Variants in CTNNA2 observed in about 807,000 individuals in gnomAD.
The protein encoded by CTNNA2 is catenin alpha 2.
CTNNA2 carries 42 observed loss-of-function variants against 101.0 expected under a neutral mutation model. The observed-to-expected ratio is 0.42, with a 90% CI of 0.32 to 0.54. The LOEUF (loss-of-function observed/expected upper bound fraction) is 0.54. Ranked by LOEUF, CTNNA2 falls within the 20% of genes least tolerant of loss-of-function variation. The pLI is 0.14. For missense variants in CTNNA2, 871 were observed against 1,223.1 expected (o/e 0.71, Z 4.29); for synonymous variants, 450 against 456.4 (o/e 0.99, Z 0.18).
At chr2:80,395,334 C>A (rs566187692) in intron 8 of CTNNA2, among the ~76,000 whole-genome samples, 1 of 152,276 alleles carries the variant, frequency 6.6e-6, no homozygotes, top group African/African-American at 2.4e-5. Flanking sequence ...GTATTAAGAT[C>A]CAACAGTTAT....
At chr2:80,477,296 C>T (rs115827829) in intron 9 of CTNNA2, among the ~76,000 whole-genome samples, 300 of 152,232 alleles carry the variant, frequency 2.0e-3, no homozygotes, top group African/African-American at 7.0e-3. Flanking sequence ...ACAGTCAATA[C>T]TAACTGATTG....
Position 80,117,405 on chromosome 2 carries a change from T to C in CTNNA2, c.1056+207608T>C, listed in dbSNP as rs148009426. The stretch of plus-strand genomic sequence containing the variant: ...TTCCCTGGCTTTTTTTGAGTTCTCA[T>C]TTAGGTTTTTTAAAATTGTATTTTA... On this transcript the variant is annotated intron_variant, in intron 7 of 18. Transcript: ENST00000402739. 2.0e-3 allele frequency among the ~76,000 whole-genome samples: 310 copies of C among 151,908 alleles called. 2 individuals are homozygous for C. The highest frequency in any genetic ancestry group is 7.2e-3 in the African/African-American group (300 of 41,452).
At chr2:80,122,704 TTATAG>T (rs1701907268) in intron 7 of CTNNA2, among the ~76,000 whole-genome samples, 3 of 152,280 alleles carry the variant, frequency 2.0e-5, no homozygotes, top group East Asian at 1.9e-4. Flanking sequence ...AATTATGTAG[TTATAG>T]TATAGGTATC....
intron 3 of CTNNA2, among the ~76,000 whole-genome samples, chr2:79,772,796 C>A (rs1013193212): frequency 6.6e-6 from 1 of 152,134 alleles, no homozygotes; most frequent in African/African-American, 2.4e-5. Context: ...AACTCCTGGT[C>A]TCAAGTGATT....
chr2:79,469,724 C>T (rs1670978083), intron 4 of CTNNA2, among the ~76,000 whole-genome samples: 1 of 152,136 alleles, frequency 6.6e-6, no homozygotes, highest in South Asian at 2.1e-4. Flanking sequence ...GCTGGTTCAA[C>T]ATATGCAAAT....
At chr2:79,698,403 T>C (rs1469740990) in intron 2 of CTNNA2, among the ~76,000 whole-genome samples, 1 of 152,086 alleles carries the variant, frequency 6.6e-6, no homozygotes, top group Admixed American at 6.6e-5. Flanking sequence ...GTTTCAATAC[T>C]TTCACTGTAT....
chr2:80,471,441 C>T (rs1281226804), intron 9 of CTNNA2, among the ~76,000 whole-genome samples: 1 of 152,086 alleles, frequency 6.6e-6, no homozygotes, highest in African/African-American at 2.4e-5. Flanking sequence ...ATGTTTTTAA[C>T]CCTACTGTAG....
intron 2 of CTNNA2, among the ~76,000 whole-genome samples, chr2:79,726,827 G>C (rs1396232809): frequency 1.3e-5 from 2 of 152,344 alleles, no homozygotes; most frequent in African/African-American, 4.8e-5. Context: ...CTTATAAAAT[G>C]ATGGTTAGAA....
At chr2:80,293,130 C>A (rs6760062) in intron 7 of CTNNA2, among the ~76,000 whole-genome samples, 39,933 of 152,130 alleles carry the variant, frequency 0.26, 5,965 homozygotes, top group Non-Finnish European at 0.34. Context: ...GACAGTGAGG[C>A]AAAATAACAG....
chr2:80,030,964 A>G (rs1205249077), intron 7 of CTNNA2, among the ~76,000 whole-genome samples: 2 of 152,242 alleles, frequency 1.3e-5, no homozygotes, highest in Non-Finnish European at 2.9e-5. Context: ...TATTCTATCC[A>G]GTGATGGAAA....
intron 2 of CTNNA2, among the ~76,000 whole-genome samples, chr2:79,726,236 A>G (rs1256400502): frequency 6.6e-6 from 1 of 152,216 alleles, no homozygotes; most frequent in East Asian, 1.9e-4. Flanking sequence ...ATAGATAGAG[A>G]TATGAATGTA....
intron 4 of CTNNA2, among the ~76,000 whole-genome samples, chr2:79,408,548 T>C (rs1678367135): frequency 6.7e-6 from 1 of 148,926 alleles, no homozygotes; most frequent in African/African-American, 2.5e-5. Context: ...AGTGAGAACA[T>C]GCGGTATTTG....
intron 7 of CTNNA2, among the ~76,000 whole-genome samples, chr2:80,235,689 C>G (rs11898215): frequency 0.23 from 35,736 of 152,116 alleles, 6,616 homozygotes; most frequent in African/African-American, 0.51. Flanking sequence ...GGGAGAATTA[C>G]AGACACAGTC....
intron 3 of CTNNA2, among the ~76,000 whole-genome samples, chr2:79,826,314 G>C (rs1359470354): frequency 6.6e-6 from 1 of 152,200 alleles, no homozygotes; most frequent in South Asian, 2.1e-4. Flanking sequence ...AACAAAATTC[G>C]ATAACAGTCA....
rs1558679269 is a variant in CTNNA2, at chr2:80,648,034, A to G, written c.*162A>G. 10 of 618,390 alleles carry G rather than the reference A, an allele frequency of 1.6e-5. 1 individual carries two copies. In the South Asian group the frequency reaches 2.1e-4, roughly 13 times the overall value. 38.3% of individuals were successfully genotyped at this position (618,390 alleles called of 1,614,324 possible). Reference sequence around the variant, plus strand: ...TGTAAGATGAGATGAGATCAATACTACTGATCCATCTGTAGCCTGGGAAGG... The same window carrying G: ...TGTAAGATGAGATGAGATCAATACTGCTGATCCATCTGTAGCCTGGGAAGG... On this transcript the variant is annotated 3_prime_UTR_variant, in exon 19 of 19. Coordinates refer to ENST00000402739, the MANE Select transcript of CTNNA2 (RefSeq NM_001282597.3).
At chr2:79,890,133 G>A (rs575526737) in intron 6 of CTNNA2, among the ~76,000 whole-genome samples, 2 of 152,140 alleles carry the variant, frequency 1.3e-5, no homozygotes, top group Non-Finnish European at 2.9e-5. Context: ...TTAAATATGA[G>A]ATTTCTTCTG....
intron 7 of CTNNA2, among the ~76,000 whole-genome samples, chr2:80,249,786 T>A (rs1298862346): frequency 2.6e-5 from 4 of 152,230 alleles, no homozygotes; most frequent in Non-Finnish European, 5.9e-5. Context: ...CCTGCTTTAT[T>A]TCACTAAGCA....
At chr2:80,281,139 G>C (rs181448616) in intron 7 of CTNNA2, among the ~76,000 whole-genome samples, 1 of 152,228 alleles carries the variant, frequency 6.6e-6, no homozygotes, top group East Asian at 1.9e-4. Context: ...GAGATCCCCA[G>C]GGTGACCAGA....
intron 4 of CTNNA2, among the ~76,000 whole-genome samples, chr2:79,392,744 A>G (rs1217578370): frequency 6.6e-6 from 1 of 152,006 alleles, no homozygotes; most frequent in African/African-American, 2.4e-5. Context: ...TTTCTCCCCA[A>G]CTTTCATGTT....
Sources: gnomAD v4.1 joint callset for allele counts (sites outside exome capture counted in the v4.1 genomes callset) on GRCh38, gnomAD v4.1.1 for gene constraint, MANE v1.5 for transcripts, NCBI Gene and HGNC (gene_info 2026-07-23, HGNC 2026-07-21) for gene names.